The following MKLN1 variants were observed in gnomAD, a reference collection of about 807,000 sequenced individuals.
The protein encoded by MKLN1 is muskelin 1.
MKLN1 carries 18 observed loss-of-function variants against 99.0 expected under a neutral mutation model. The observed-to-expected ratio is 0.18, with a 90% CI of 0.13 to 0.27. The LOEUF is 0.27. Ranked by LOEUF, MKLN1 falls within the 10% of genes least tolerant of loss-of-function variation. The pLI, the probability that MKLN1 is intolerant of heterozygous loss-of-function variation, is 1.00. For missense variants in MKLN1, 621 were observed against 875.9 expected (o/e 0.71, Z 3.67); for synonymous variants, 288 against 293.2 (o/e 0.98, Z 0.18).
chr7:131,392,987 C>T lies in MKLN1; in HGVS notation c.400+4015C>T, dbSNP rs986742745. Reference sequence around the variant, plus strand: ...TTAGAGCTCAGTGCAACCTCCAGTTCCTGGGCTCAAGCCATGTTCCGGCCT... The same window carrying T: ...TTAGAGCTCAGTGCAACCTCCAGTTTCTGGGCTCAAGCCATGTTCCGGCCT... On this transcript the variant is annotated intron_variant, in intron 4 of 17. Coordinates refer to ENST00000352689, the MANE Select transcript of MKLN1 (RefSeq NM_013255.5). Among the ~76,000 whole-genome samples, 7 of 152,042 alleles carry T rather than the reference C, an allele frequency of 4.6e-5. 1 individual carries two copies. The East Asian group carries it at 1.4e-3, about 29-fold the overall frequency.
intron 2 of MKLN1, among the ~76,000 whole-genome samples, chr7:131,146,582 A>T (rs1795817651): frequency 6.6e-6 from 1 of 152,182 alleles, no homozygotes; most frequent in African/African-American, 2.4e-5. Flanking sequence ...CTTGGCACAC[A>T]GTAGGTGCTT....
intron 1 of MKLN1, among the ~76,000 whole-genome samples, chr7:131,338,653 A>G (rs549138378): frequency 6.6e-6 from 1 of 152,208 alleles, no homozygotes; most frequent in Non-Finnish European, 1.5e-5. Context: ...ATAGAGTGTT[A>G]TATCTTGTAG....
chr7:131,420,921 C>T (rs1795172233), intron 8 of MKLN1, among the ~76,000 whole-genome samples: 1 of 152,170 alleles, frequency 6.6e-6, no homozygotes, highest in Admixed American at 6.5e-5. Flanking sequence ...TATTCAGATA[C>T]TGCTGTAAAC....
chr7:131,123,677 A>G (rs1795410216), intron 1 of MKLN1, among the ~76,000 whole-genome samples: 2 of 152,148 alleles, frequency 1.3e-5, no homozygotes, highest in South Asian at 4.1e-4. Context: ...AATCCCAGCT[A>G]CTTGGGAGGC....
chr7:131,463,163 T>TA lies in MKLN1; in HGVS notation c.1526-53dup. The stretch of plus-strand genomic sequence containing the variant: ...AAAAGAAAGGAAGGAAGGAAGGAAA[T>TA]ACTAATCTATCTAATGTGAATATTT... On this transcript the variant is annotated intron_variant, in intron 12 of 17. Transcript: ENST00000352689. The TA allele has an allele frequency of 2.2e-6, 3 of 1,390,356 alleles. No individual in the cohort carries two copies. The South Asian group carries it at 3.7e-5, about 17-fold the overall frequency. 86.1% of individuals were successfully genotyped at this position (1,390,356 alleles called of 1,614,324 possible).
chr7:131,347,018 T>C (rs952475524), intron 1 of MKLN1, among the ~76,000 whole-genome samples: 1 of 152,204 alleles, frequency 6.6e-6, no homozygotes, highest in Non-Finnish European at 1.5e-5. Flanking sequence ...CAGATGATGC[T>C]CTTTGACTGG....
intron 12 of MKLN1, among the ~76,000 whole-genome samples, chr7:131,455,483 C>T (rs778797111): frequency 2.0e-5 from 3 of 151,980 alleles, no homozygotes; most frequent in South Asian, 2.1e-4. Flanking sequence ...ATAAAAATAA[C>T]GAGTTGGCAG....
At chr7:131,179,284 G>T (rs1796344654) in intron 2 of MKLN1, among the ~76,000 whole-genome samples, 1 of 152,170 alleles carries the variant, frequency 6.6e-6, no homozygotes, top group South Asian at 2.1e-4. Flanking sequence ...AAGCAGGGCT[G>T]GAAATGAGCC....
intron 3 of MKLN1, among the ~76,000 whole-genome samples, chr7:131,291,518 A>AAT (rs1267021844): frequency 1.3e-5 from 2 of 151,138 alleles, no homozygotes; most frequent in Admixed American, 6.6e-5. Context: ...AATTAAAAAT[A>AAT]ATATATATAT....
chr7:131,482,317 C>T (rs1797146962), intron 17 of MKLN1, among the ~76,000 whole-genome samples: 1 of 152,140 alleles, frequency 6.6e-6, no homozygotes, highest in Non-Finnish European at 1.5e-5. Context: ...GCCTCAGCCT[C>T]CCGAGTAGCT....
chr7:131,443,987 C>T lies in MKLN1; in HGVS notation c.1395+285C>T, dbSNP rs565418691. 6.6e-5 allele frequency among the ~76,000 whole-genome samples: 10 copies of T among 152,264 alleles called. No homozygotes were observed. The South Asian group carries it at 1.5e-3, about 22-fold the overall frequency. The stretch of plus-strand genomic sequence containing the variant: ...TTCCTTTCTTATGCCTTTCCACTTA[C>T]GTCTCTTAGTAATTAGAAGGACAAT... On this transcript the variant is annotated intron_variant, in intron 11 of 17. Coordinates refer to ENST00000352689, the MANE Select transcript of MKLN1 (RefSeq NM_013255.5).
chr7:131,487,981 A>ATT lies in MKLN1; in HGVS notation c.*258_*259dup, dbSNP rs959185610. The ATT allele has an allele frequency of 2.1e-4, 36 of 169,838 alleles. No individual in the cohort carries two copies. Among genetic ancestry groups the ATT allele is most frequent in the African/African-American group, 7.7e-4 (32 of 41,772 alleles). The allele number at this position is 169,838 out of a possible 1,614,324, so 10.5% of individuals were successfully genotyped here. The stretch of plus-strand genomic sequence containing the variant: ...TCCAGTTAAATATATATATATATAT[A>ATT]TTTTTTCTTACTTTATCTTTTAAGA... On this transcript the variant is annotated 3_prime_UTR_variant, in exon 18 of 18. Coordinates refer to ENST00000352689, the MANE Select transcript of MKLN1 (RefSeq NM_013255.5). The surrounding 1 kb of genome is among the most constrained non-coding windows in gnomAD (Gnocchi z 4.7).
At chr7:131,230,465 G>A (rs1245326079) in intron 3 of MKLN1, among the ~76,000 whole-genome samples, 1 of 152,208 alleles carries the variant, frequency 6.6e-6, no homozygotes, top group Non-Finnish European at 1.5e-5. Flanking sequence ...TTGCTGCTGA[G>A]TTACTTTCAT....
At chr7:131,297,284 C>T (rs1292177240) in intron 3 of MKLN1, among the ~76,000 whole-genome samples, 2 of 152,074 alleles carry the variant, frequency 1.3e-5, no homozygotes, top group African/African-American at 4.8e-5. Context: ...TCGCTTGAAC[C>T]CGGGAGGTGG....
At chr7:131,477,765 G>A (rs1797007828) in intron 16 of MKLN1, among the ~76,000 whole-genome samples, 1 of 152,224 alleles carries the variant, frequency 6.6e-6, no homozygotes, top group Non-Finnish European at 1.5e-5. Context: ...TGCAAGCATA[G>A]ATGTGAAATA....
intron 1 of MKLN1, among the ~76,000 whole-genome samples, chr7:131,130,786 A>C (rs1795537995): frequency 1.3e-5 from 2 of 152,220 alleles, no homozygotes; most frequent in African/African-American, 4.8e-5. Context: ...GAGATGGCTC[A>C]TGCCTAAAAT....
In MKLN1 at chr7:131,224,859, G is replaced by A. The variant is rs539529107; in HGVS notation, c.-179+21885G>A. On this transcript the variant is annotated intron_variant, in intron 3 of 7. Transcript: ENST00000416992. ...GGGGCCGAGGTGGGCAGATCATGAG[G>A]TCAGGAAATCGAGACCATCCTGGCT... is the stretch of plus-strand genomic sequence containing the variant. 3.9e-5 allele frequency among the ~76,000 whole-genome samples: 6 copies of A among 152,054 alleles called. No individual in the cohort carries two copies. The East Asian group carries it at 1.2e-3, about 29-fold the overall frequency.
Position 131,214,527 on chromosome 7 carries a change from G to T in MKLN1, c.-179+11553G>T, listed in dbSNP as rs573421934. 1.1e-4 allele frequency among the ~76,000 whole-genome samples: 17 copies of T among 152,292 alleles called. No homozygotes were observed. The South Asian group carries it at 3.5e-3, about 32-fold the overall frequency. ...AAACCAGCACACAGAGATTAACTAA[G>T]CAGAAAGATGAAAAGGTCCCAGGTC... On this transcript the variant is annotated intron_variant, in intron 3 of 7. Coordinates refer to the MKLN1 transcript ENST00000416992.
intron 1 of MKLN1, among the ~76,000 whole-genome samples, chr7:131,141,647 C>A (rs1584787338): frequency 6.6e-6 from 1 of 152,334 alleles, no homozygotes; most frequent in East Asian, 1.9e-4. Context: ...GTGCCCTCCA[C>A]CCAAAACAGA....
Sources: gnomAD v4.1 joint callset for allele counts (sites outside exome capture counted in the v4.1 genomes callset) on GRCh38, gnomAD v4.1.1 for gene constraint, Gnocchi (gnomAD v3.1) non-coding constraint, MANE v1.5 for transcripts, NCBI Gene and HGNC (gene_info 2026-07-23, HGNC 2026-07-21) for gene names.